IGSF3: variants seen among roughly 807,000 people sequenced by gnomAD.
IGSF3 encodes glu-Trp-Ile EWI motif-containing protein 3.
A neutral mutation model predicts 114.4 loss-of-function variants in IGSF3; 23 were observed. That is an observed-to-expected ratio of 0.20 (90% CI 0.14 to 0.28). The LOEUF (loss-of-function observed/expected upper bound fraction) is 0.28, where lower values mean the gene tolerates loss of function less well. Among genes scored for constraint, IGSF3 ranks in the 10% least tolerant of loss-of-function variants. The probability of loss-of-function intolerance (pLI) is 1.00; values close to 1 mark genes in which losing one functional copy is unlikely to be tolerated. For missense variants in IGSF3, 1,172 were observed against 1,591.5 expected (o/e 0.74, Z 4.48); for synonymous variants, 571 against 645.2 (o/e 0.88, Z 1.74).
intron 2 of IGSF3, among the ~76,000 whole-genome samples, chr1:116,640,037 C>CGAAAAAAAAA (rs1261130855): frequency 1.5e-5 from 1 of 65,292 alleles, no homozygotes; most frequent in African/African-American, 5.6e-5. Context: ...GACTCTATCT[C>CGAAAAAAAAA]AAAAAAAAAA....
rs144851610 is a variant in IGSF3 at position 116,634,592 on chromosome 1, G to A, written c.44-18135C>T. Among the ~76,000 whole-genome samples the A allele has an allele frequency of 6.6e-6, 1 of 152,342 alleles. No homozygotes were observed. The highest frequency in any genetic ancestry group is 1.5e-5 in the Non-Finnish European group (1 of 68,048). On this transcript the variant is annotated intron_variant, in intron 2 of 10. Transcript: ENST00000369486. This position sits in a 1 kb window ranked among gnomAD's most constrained non-coding sequence, Gnocchi z 4.2. ...ACTCTCCATTCCCTGCTATGAGGGA[G>A]TTCATTTGTTCATGCAATTTCCCCA...
rs1648521553 is a variant in IGSF3 at position 116,649,102 on chromosome 1, T to C, written c.43+17182A>G. 6.6e-6 allele frequency among the ~76,000 whole-genome samples: 1 copy of C among 152,090 alleles called. No individual in the cohort carries two copies. Among genetic ancestry groups the C allele is most frequent in the Non-Finnish European group, 1.5e-5 (1 of 67,988 alleles). ...CACTGCCACCCATTACAGCTTCAGA[T>C]CTCGCTTCTACCAGGATTTCCCAGC... On this transcript the variant is annotated intron_variant, in intron 2 of 10. Coordinates refer to ENST00000369486, the MANE Select transcript of IGSF3 (RefSeq NM_001007237.3). The surrounding 1 kb of genome is among the most constrained non-coding windows in gnomAD (Gnocchi z 4.5).
chr1:116,655,105 A>G lies in IGSF3; in HGVS notation c.43+11179T>C, dbSNP rs567963824. ...TAATTAATCCTTCTATTTATTAAAG[A>G]TTAAAAATACATATCAGGTGACAAC... On this transcript the variant is annotated intron_variant, in intron 2 of 10. Transcript: ENST00000369486. The surrounding 1 kb of genome is among the most constrained non-coding windows in gnomAD (Gnocchi z 4.3). 6.6e-6 allele frequency among the ~76,000 whole-genome samples: 1 copy of G among 152,394 alleles called. No individual in the cohort carries two copies. Among genetic ancestry groups the G allele is most frequent in the East Asian group, 1.9e-4 (1 of 5,196 alleles).
Position 116,614,667 on chromosome 1 carries a change from C to T in IGSF3, c.422-492G>A, listed in dbSNP as rs1661147991. ...TGTAACTTACTTCAGCAATGCAGCC[C>T]TAGGAAGATGATTTTTTTAAAAAAC... On this transcript the variant is annotated intron_variant, in intron 3 of 10. Transcript: ENST00000369486. The surrounding 1 kb of genome is among the most constrained non-coding windows in gnomAD (Gnocchi z 4.5). Among the ~76,000 whole-genome samples, 1 of 152,100 alleles carries T rather than the reference C, an allele frequency of 6.6e-6. No homozygotes were observed. The highest frequency in any genetic ancestry group is 1.5e-5 in the Non-Finnish European group (1 of 68,008).
At chr1:116,640,767 T>C (rs569218793) in intron 2 of IGSF3, among the ~76,000 whole-genome samples, 2 of 152,346 alleles carry the variant, frequency 1.3e-5, no homozygotes, top group African/African-American at 2.4e-5. Context: ...CATCCAAGGG[T>C]ATCTTCAACC....
In IGSF3 at chr1:116,613,897, A is replaced by C; in HGVS notation, c.700T>G (p.Phe234Val). 6.2e-7 allele frequency: 1 copy of C among 1,613,962 alleles called. No homozygotes were observed. Residue 234 changes from phenylalanine to valine, a missense_variant, in exon 4 of 11, where the codon TTC becomes GTC. Around this residue, in one of 3 missense-constraint regions of IGSF3, gnomAD observed 736 missense variants for 1,042.0 expected, o/e 0.71. Transcript: ENST00000369486. Reference protein sequence around the residue: ...LGRTTFRLTIFHLQPSDQGEF... With the variant: ...LGRTTFRLTIVHLQPSDQGEF... ...CCCTGGTCAGAAGGCTGCAGGTGGA[A>C]GATGGTGAGGCGGAAGGTGGTCCTC... is the stretch of plus-strand genomic sequence containing the variant.
rs1659422681 is a variant in IGSF3, at chr1:116,577,948, T to C, written c.3335-386A>G. The stretch of plus-strand genomic sequence containing the variant: ...TTTTACATGCCCCTTTGCACTTAGT[T>C]CTGCTACAGACTTCCTTCTCTGGGA... On this transcript the variant is annotated intron_variant, in intron 10 of 10. Coordinates refer to ENST00000369486, the MANE Select transcript of IGSF3 (RefSeq NM_001007237.3). This position sits in a 1 kb window ranked among gnomAD's most constrained non-coding sequence, Gnocchi z 5.7. Among the ~76,000 whole-genome samples, 1 of 152,178 alleles carries C rather than the reference T, an allele frequency of 6.6e-6. No homozygotes were observed. Among genetic ancestry groups the C allele is most frequent in the South Asian group, 2.1e-4 (1 of 4,822 alleles).
At chr1:116,617,710 T>C (rs992117426) in intron 2 of IGSF3, among the ~76,000 whole-genome samples, 3 of 152,192 alleles carry the variant, frequency 2.0e-5, no homozygotes, top group Non-Finnish European at 4.4e-5. Context: ...TTTAATAACA[T>C]CTGTAAAGAC....
At chr1:116,645,669 G>A (rs1317683943) in intron 2 of IGSF3, among the ~76,000 whole-genome samples, 4 of 152,188 alleles carry the variant, frequency 2.6e-5, no homozygotes, top group Non-Finnish European at 4.4e-5. Flanking sequence ...CCCGGGCAGG[G>A]GAACTGTAGG....
rs921781014 is a variant in IGSF3 at position 116,605,299 on chromosome 1, C to T, written c.1223-1274G>A. Among the ~76,000 whole-genome samples, 1 of 151,922 alleles carries T rather than the reference C, an allele frequency of 6.6e-6. No homozygotes were observed. The highest frequency in any genetic ancestry group is 2.4e-5 in the African/African-American group (1 of 41,364). On this transcript the variant is annotated intron_variant, in intron 5 of 10. Coordinates refer to ENST00000369486, the MANE Select transcript of IGSF3 (RefSeq NM_001007237.3). The surrounding 1 kb of genome is among the most constrained non-coding windows in gnomAD (Gnocchi z 5.1). ...TGCATTTGAATCAAATCTTTTCTCTCCTTTATTTCCCCAACAAGCAGAAAC... is the reference window on the plus strand; with the variant it reads ...TGCATTTGAATCAAATCTTTTCTCTTCTTTATTTCCCCAACAAGCAGAAAC...
At chr1:116,586,423 C>T (rs1411487105) in intron 8 of IGSF3, among the ~76,000 whole-genome samples, 1 of 151,700 alleles carries the variant, frequency 6.6e-6, no homozygotes, top group Non-Finnish European at 1.5e-5. Flanking sequence ...TTTCCAAAAG[C>T]TCTGTAAGTG....
rs531874494 is a variant in IGSF3 at position 116,642,327 on chromosome 1, G to A, written c.43+23957C>T. 1.2e-4 allele frequency among the ~76,000 whole-genome samples: 19 copies of A among 152,218 alleles called. No homozygotes were observed. Among genetic ancestry groups the A allele is most frequent in the Admixed American group, 8.5e-4 (13 of 15,290 alleles). On this transcript the variant is annotated intron_variant, in intron 2 of 10. Coordinates refer to ENST00000369486, the MANE Select transcript of IGSF3 (RefSeq NM_001007237.3). This position sits in a 1 kb window ranked among gnomAD's most constrained non-coding sequence, Gnocchi z 5.4. ...TGAAATGACTTAGTAAGGATAAGAG[G>A]TCAAATCATATGCTTTGTAGTGAAA...
rs969214051 is a variant in IGSF3, at chr1:116,651,204, T to C, written c.43+15080A>G. ...TCTGGAAAAGTAAGTCTCCCTACAC[T>C]AAGACTTAAAGGGAAGGCTTCTTTG... On this transcript the variant is annotated intron_variant, in intron 2 of 10. Transcript: ENST00000369486. This position sits in a 1 kb window ranked among gnomAD's most constrained non-coding sequence, Gnocchi z 4.4. 6.6e-6 allele frequency among the ~76,000 whole-genome samples: 1 copy of C among 152,264 alleles called. No individual in the cohort carries two copies. Among genetic ancestry groups the C allele is most frequent in the African/African-American group, 2.4e-5 (1 of 41,482 alleles).
In IGSF3 at chr1:116,605,171, A is replaced by G. The variant is rs550002434; in HGVS notation, c.1223-1146T>C. The stretch of plus-strand genomic sequence containing the variant: ...GCTCCAATTTTTGGGTACCACCCAC[A>G]TTAAATACATGCAATAATTTTAAAC... On this transcript the variant is annotated intron_variant, in intron 5 of 10. Transcript: ENST00000369486. This position sits in a 1 kb window ranked among gnomAD's most constrained non-coding sequence, Gnocchi z 5.1. Among the ~76,000 whole-genome samples the G allele has an allele frequency of 2.0e-5, 3 of 152,280 alleles. No individual in the cohort carries two copies. In the East Asian group the frequency reaches 5.8e-4, roughly 29 times the overall value.
rs2101092598 is a variant in IGSF3 at position 116,664,429 on chromosome 1, C to T, written c.43+1855G>A. Among the ~76,000 whole-genome samples the T allele has an allele frequency of 6.6e-6, 1 of 152,302 alleles. No homozygotes were observed. The highest frequency in any genetic ancestry group is 2.1e-4 in the South Asian group (1 of 4,824). On this transcript the variant is annotated intron_variant, in intron 2 of 10. Transcript: ENST00000369486. The surrounding 1 kb of genome is among the most constrained non-coding windows in gnomAD (Gnocchi z 4.6). ...GAGCAGCCAGAAGAAACAAAAGGCA[C>T]AAATGTCACATTGCCTTGTTTTCCC... is the stretch of plus-strand genomic sequence containing the variant.
At chr1:116,630,807 G>A (rs1313121130) in intron 2 of IGSF3, among the ~76,000 whole-genome samples, 1 of 152,172 alleles carries the variant, frequency 6.6e-6, no homozygotes, top group Non-Finnish European at 1.5e-5. Flanking sequence ...AGGATGAGTA[G>A]GTATTTCTGC....
In IGSF3 at chr1:116,594,910, C is replaced by T. The variant is rs1368747537; in HGVS notation, c.2029+5031G>A. On this transcript the variant is annotated intron_variant, in intron 7 of 10. Coordinates refer to ENST00000369486, the MANE Select transcript of IGSF3 (RefSeq NM_001007237.3). This position sits in a 1 kb window ranked among gnomAD's most constrained non-coding sequence, Gnocchi z 5.2. Reference sequence around the variant, plus strand: ...CCTACCCCATTCCCTCCTCACGCCCCCTGCCCCCGTTCATGCCCTGTGCTG... The same window carrying T: ...CCTACCCCATTCCCTCCTCACGCCCTCTGCCCCCGTTCATGCCCTGTGCTG... Among the ~76,000 whole-genome samples, 1 of 152,290 alleles carries T rather than the reference C, an allele frequency of 6.6e-6. No individual in the cohort carries two copies. Among genetic ancestry groups the T allele is most frequent in the East Asian group, 1.9e-4 (1 of 5,176 alleles).
intron 2 of IGSF3, among the ~76,000 whole-genome samples, chr1:116,656,305 T>C (rs1424506059): frequency 1.5e-5 from 2 of 137,028 alleles, no homozygotes; most frequent in Non-Finnish European, 3.1e-5. Flanking sequence ...TTTTTTTTTT[T>C]TTTTTTTTTT....
At chr1:116,617,685 G>A (rs1278319918) in intron 2 of IGSF3, among the ~76,000 whole-genome samples, 1 of 152,146 alleles carries the variant, frequency 6.6e-6, no homozygotes, top group African/African-American at 2.4e-5. Context: ...CTGTCTCATA[G>A]GGTTATTGAG....
Sources: gnomAD v4.1 joint callset for allele counts (sites outside exome capture counted in the v4.1 genomes callset) on GRCh38, gnomAD v4.1.1 for gene constraint, gnomAD v4.1.1 regional missense constraint, Gnocchi (gnomAD v3.1) non-coding constraint, MANE v1.5 for transcripts, NCBI Gene and HGNC (gene_info 2026-07-23, HGNC 2026-07-21) for gene names.